The following DPP6 variants were observed in gnomAD, a reference collection of about 807,000 sequenced individuals.
DPP6 encodes the protein A-type potassium channel modulatory protein DPP6.
In DPP6, 69 loss-of-function variants were observed where a neutral mutation model predicts 122.6. The ratio of observed to expected loss-of-function variants is 0.56; its 90% confidence interval spans 0.46 to 0.69. The LOEUF (loss-of-function observed/expected upper bound fraction) is 0.69, where lower values mean the gene tolerates loss of function less well. Among genes scored for constraint, DPP6 ranks in the 30% least tolerant of loss-of-function variants. DPP6 has a pLI of 0.00. For synonymous variants in DPP6, 418 were observed against 433.1 expected (o/e 0.97, Z 0.43); for missense variants, 928 against 1,116.9 (o/e 0.83, Z 2.41).
chr7:153,804,059 T>TTTC, the DPP6 span, among the ~76,000 whole-genome samples: 179 of 151,808 alleles, frequency 1.2e-3, 1 homozygote, highest in Admixed American at 1.6e-3. Flanking sequence ...AGTACTTTTT[T>TTTC]TTTTTTTTGA....
chr7:154,394,763 T>G (rs1814938440), intron 1 of DPP6, among the ~76,000 whole-genome samples: 1 of 152,208 alleles, frequency 6.6e-6, no homozygotes, highest in South Asian at 2.1e-4. Flanking sequence ...GAGTTAATTT[T>G]TGTATATAGT....
intron 1 of DPP6, among the ~76,000 whole-genome samples, chr7:154,307,447 CAG>C (rs1186427734): frequency 6.6e-6 from 1 of 152,160 alleles, no homozygotes; most frequent in African/African-American, 2.4e-5. Flanking sequence ...TCTCCCTCCT[CAG>C]AGAGGTGTCA....
At chr7:154,318,312 CTT>C (rs1278211574) in intron 1 of DPP6, among the ~76,000 whole-genome samples, 1 of 152,196 alleles carries the variant, frequency 6.6e-6, no homozygotes, top group Non-Finnish European at 1.5e-5. Flanking sequence ...CGTTCTCACT[CTT>C]TGTATGCTTA....
chr7:153,843,273 C>CGT, the DPP6 span, among the ~76,000 whole-genome samples: 13 of 44,086 alleles, frequency 2.9e-4, no homozygotes, highest in African/African-American at 5.8e-4. Context: ...CACACGCATG[C>CGT]GCGCGCGCAC....
intron 2 of DPP6, among the ~76,000 whole-genome samples, chr7:154,474,570 C>A (rs1403673825): frequency 6.6e-6 from 1 of 152,176 alleles, no homozygotes; most frequent in Non-Finnish European, 1.5e-5. Context: ...CATGATTGAC[C>A]AATTACATCA....
intron 1 of DPP6, among the ~76,000 whole-genome samples, chr7:154,143,837 A>G (rs1033240900): frequency 2.0e-5 from 3 of 152,138 alleles, no homozygotes; most frequent in African/African-American, 7.2e-5. Context: ...CTCCAATTAT[A>G]CGCAATAGCA....
intron 1 of DPP6, among the ~76,000 whole-genome samples, chr7:154,394,998 G>T (rs1814958364): frequency 6.6e-6 from 1 of 152,262 alleles, no homozygotes; most frequent in East Asian, 1.9e-4. Flanking sequence ...CTTCATTTGG[G>T]CTGCTATGAC....
intron 1 of DPP6, among the ~76,000 whole-genome samples, chr7:153,924,517 T>G (rs1311746970): frequency 6.6e-6 from 1 of 152,236 alleles, no homozygotes; most frequent in Non-Finnish European, 1.5e-5. Context: ...GTGGCCAGCC[T>G]TCCCACCTTC....
intron 2 of DPP6, among the ~76,000 whole-genome samples, chr7:154,463,578 C>T (rs952721366): frequency 6.6e-6 from 1 of 152,098 alleles, no homozygotes; most frequent in Non-Finnish European, 1.5e-5. Context: ...TGGGTCACAC[C>T]TGAAGCCAGC....
At chr7:154,638,162 C>T (rs1166633654) in intron 6 of DPP6, among the ~76,000 whole-genome samples, 4 of 152,162 alleles carry the variant, frequency 2.6e-5, no homozygotes, top group South Asian at 2.1e-4. Context: ...TCTTCAGAGC[C>T]GGACATTCCC....
chr7:154,301,938 C>T (rs1407566283), intron 1 of DPP6, among the ~76,000 whole-genome samples: 3 of 151,906 alleles, frequency 2.0e-5, no homozygotes, highest in African/African-American at 7.3e-5. Context: ...CTGCCTCAGC[C>T]TCCCGAGCAG....
rs567960244 is a variant in DPP6, at chr7:154,509,130, C to T, written c.458-31402C>T. Reference sequence around the variant, plus strand: ...AACAACAAAAGAAAAAATAGATAAACTGAAGTTTATCAAAATTAAAAGCTT... The same window carrying T: ...AACAACAAAAGAAAAAATAGATAAATTGAAGTTTATCAAAATTAAAAGCTT... On this transcript the variant is annotated intron_variant, in intron 3 of 25. Transcript: ENST00000377770. 2.6e-5 allele frequency among the ~76,000 whole-genome samples: 4 copies of T among 152,078 alleles called. No homozygotes were observed. The East Asian group carries it at 5.8e-4, about 22-fold the overall frequency.
At chr7:154,670,435 T>C (rs1345193215) in intron 7 of DPP6, among the ~76,000 whole-genome samples, 1 of 152,258 alleles carries the variant, frequency 6.6e-6, no homozygotes, top group African/African-American at 2.4e-5. Context: ...GCTGTCAGGC[T>C]GTAGGCAGCA....
At chr7:154,059,808 G>A (rs1158112002) in intron 1 of DPP6, among the ~76,000 whole-genome samples, 1 of 151,362 alleles carries the variant, frequency 6.6e-6, no homozygotes, top group Non-Finnish European at 1.5e-5. Flanking sequence ...CCCTGGCTGA[G>A]GCCCGTAGCC....
chr7:154,026,887 A>T (rs1287825907), intron 1 of DPP6: 2 of 151,942 alleles, frequency 1.3e-5, no homozygotes, highest in Non-Finnish European at 2.9e-5. Flanking sequence ...TTCTATTTTT[A>T]AAATTATTTT....
intron 1 of DPP6, among the ~76,000 whole-genome samples, chr7:154,266,587 G>A (rs893144139): frequency 5.9e-5 from 9 of 152,118 alleles, no homozygotes; most frequent in African/African-American, 2.2e-4. Flanking sequence ...CCAAATAAAG[G>A]ACAAAGAAGA....
At chr7:154,306,418 A>G (rs1367274594) in intron 1 of DPP6, among the ~76,000 whole-genome samples, 1 of 152,242 alleles carries the variant, frequency 6.6e-6, no homozygotes, top group Non-Finnish European at 1.5e-5. Context: ...GGGAGACACC[A>G]ATAGATTCAC....
At chr7:153,917,527 G>A (rs1383336223) in intron 1 of DPP6, among the ~76,000 whole-genome samples, 2 of 152,188 alleles carry the variant, frequency 1.3e-5, no homozygotes, top group African/African-American at 2.4e-5. Context: ...ATAAACTTGT[G>A]AAGGCGTGGA....
intron 1 of DPP6, among the ~76,000 whole-genome samples, chr7:154,193,858 T>TA (rs1303424711): frequency 2.6e-5 from 4 of 152,014 alleles, no homozygotes; most frequent in Non-Finnish European, 5.9e-5. Context: ...CCAGCATCCT[T>TA]GCACACCCTG....
Sources: allele counts gnomAD v4.1 joint callset (sites outside exome capture counted in the v4.1 genomes callset), GRCh38; gene constraint gnomAD v4.1.1; transcripts MANE v1.5; gene names NCBI Gene and HGNC (gene_info 2026-07-23, HGNC 2026-07-21).